Variants in MIER2 observed in about 807,000 individuals in gnomAD.
MIER2 encodes the protein mesoderm induction early response protein 2.
Under a neutral mutation model 67.6 loss-of-function variants are expected in MIER2, and 30 were observed. That is an observed-to-expected ratio of 0.44 (90% CI 0.33 to 0.60). The LOEUF (loss-of-function observed/expected upper bound fraction) is 0.60. Among genes scored for constraint, MIER2 ranks in the 20% least tolerant of loss-of-function variants. MIER2 has a pLI of 0.02. For missense variants in MIER2, 702 were observed against 745.1 expected, an observed-to-expected ratio of 0.94 and a Z score of 0.67; for synonymous variants, 372 against 312.6, an observed-to-expected ratio of 1.19 and a Z score of -2.00.
At chr19:330,024 G>C (rs1971946923) in intron 3 of MIER2, among the ~76,000 whole-genome samples, 1 of 152,104 alleles carries the variant, frequency 6.6e-6, no homozygotes, top group African/African-American at 2.4e-5. Context: ...GGAACCACAT[G>C]CATGGAACGA....
chr19:308,529 C>G lies in MIER2; in HGVS notation c.1198+48G>C. ...GCTCCACCGGGCCTCACTCACGGCT[C>G]CAGACCCGTGGCCGCCCCCAGGGCA... On this transcript the variant is annotated intron_variant, in intron 12 of 13. Transcript: ENST00000264819. The surrounding 1 kb of genome is among the most constrained non-coding windows in gnomAD (Gnocchi z 9.1). 8 of 1,534,718 alleles carry G rather than the reference C, an allele frequency of 5.2e-6. No homozygotes were observed. The highest frequency in any genetic ancestry group is 7.0e-6 in the Non-Finnish European group (8 of 1,136,248).
Position 308,613 on chromosome 19 carries a change from G to A in MIER2, c.1162C>T (p.Arg388Cys), listed in dbSNP as rs958310290. ...GSDPDGPGRP[R>C]PEQDTLTGMR... Reference sequence around the variant, plus strand: ...CCAGTCAGGGTGTCTTGCTCCGGGCGCGGACGGCCGGGGCCATCGGGGTCG... The same window carrying A: ...CCAGTCAGGGTGTCTTGCTCCGGGCACGGACGGCCGGGGCCATCGGGGTCG... Residue 388 changes from arginine to cysteine, a missense_variant, in exon 12 of 14, where the codon CGC becomes TGC. Around this residue, in one of 3 missense-constraint regions of MIER2, gnomAD observed 254 missense variants for 262.8 expected, o/e 0.97. Coordinates refer to ENST00000264819, the MANE Select transcript of MIER2 (RefSeq NM_017550.3). This position sits in a 1 kb window ranked among gnomAD's most constrained non-coding sequence, Gnocchi z 9.1. 1.4e-5 allele frequency: 23 copies of A among 1,607,254 alleles called. No individual in the cohort carries two copies. Among genetic ancestry groups the A allele is most frequent in the Admixed American group, 5.1e-5 (3 of 59,198 alleles).
At chr19:334,257 G>A in intron 3 of MIER2, 143 bp downstream of exon 3, 1 of 1,209,404 alleles carries the variant, frequency 8.3e-7, no homozygotes. Flanking sequence ...CTGAATTTCA[G>A]CTACTAGGAC....
At chr19:344,426 G>A (rs923285727) in intron 1 of MIER2, 2 of 973,142 alleles carry the variant, frequency 2.1e-6, no homozygotes, top group Non-Finnish European at 2.4e-6. Context: ...GGGAACCGGA[G>A]CCGGACCCTG....
chr19:341,988 G>A (rs1309243084), intron 1 of MIER2, among the ~76,000 whole-genome samples: 1 of 152,246 alleles, frequency 6.6e-6, no homozygotes, highest in East Asian at 1.9e-4. Flanking sequence ...ACCCTGCAAA[G>A]CTTAACCCAA....
rs766848186 is a variant in MIER2, at chr19:336,116, A to C, written c.67T>G (p.Cys23Gly). 6.2e-7 allele frequency: 1 copy of C among 1,613,936 alleles called. No individual in the cohort carries two copies. Among genetic ancestry groups the C allele is most frequent in the Admixed American group, 1.7e-5 (1 of 60,018 alleles). Residue 23 changes from cysteine (C) to glycine (G), a missense_variant, in exon 2 of 14, where the codon TGC becomes GGC. Cys to Gly is a radical substitution (Grantham distance 159). This residue lies in a region of MIER2 where 320 missense variants were observed against 292.6 expected (regional missense o/e 1.09). Coordinates refer to ENST00000264819, the MANE Select transcript of MIER2 (RefSeq NM_017550.3). ...RVVSCLEHSL[C>G]PGEPGLQTTA... is the part of the protein sequence containing the mutation. ...GTCTGCAAGCCCGGCTCCCCTGGGC[A>C]CAGGCTGTGCTCGAGGCAGGAGACC...
Position 311,992 on chromosome 19 carries a change from C to T in MIER2, c.890-53G>A, listed in dbSNP as rs878867564. On this transcript the variant is annotated intron_variant, in intron 9 of 13. Coordinates refer to ENST00000264819, the MANE Select transcript of MIER2 (RefSeq NM_017550.3). ...AGTGGTGCCCAGGGCGGGGCCGCAG[C>T]GGAAGGAAGGCCCAGGCCGGGGAGA... The T allele has an allele frequency of 8.3e-5, 115 of 1,384,692 alleles. 1 individual carries two copies. In the South Asian group the frequency reaches 1.1e-3, roughly 13 times the overall value. The allele number at this position is 1,384,692 out of a possible 1,614,324, so 85.8% of individuals were successfully genotyped here.
intron 10 of MIER2, among the ~76,000 whole-genome samples, chr19:310,413 T>C (rs909458961): frequency 2.0e-5 from 3 of 152,210 alleles, no homozygotes; most frequent in African/African-American, 4.8e-5. Flanking sequence ...AAATACGCAC[T>C]GGCTCAGGCT....
At chr19:336,015 G>A (rs1455217844) in intron 2 of MIER2, 68 bp downstream of exon 2, 3 of 1,475,602 alleles carry the variant, frequency 2.0e-6, no homozygotes, top group African/African-American at 2.8e-5. Flanking sequence ...AGGCCCAGCA[G>A]GCATTCTGTC....
intron 1 of MIER2, among the ~76,000 whole-genome samples, chr19:336,604 G>A (rs1972269040): frequency 1.3e-5 from 2 of 152,182 alleles, no homozygotes; most frequent in African/African-American, 4.8e-5. Context: ...GGCTCGTGGG[G>A]GCCAGGAGCC....
At chr19:339,361 G>A (rs1307562370) in intron 1 of MIER2, among the ~76,000 whole-genome samples, 3 of 152,164 alleles carry the variant, frequency 2.0e-5, no homozygotes, top group African/African-American at 7.2e-5. Flanking sequence ...GATACTCAAT[G>A]TAATATCAGG....
intron 2 of MIER2, among the ~76,000 whole-genome samples, chr19:335,831 T>C (rs1168921588): frequency 1.3e-5 from 2 of 152,114 alleles, no homozygotes; most frequent in African/African-American, 4.8e-5. Context: ...GCCCGGGTCC[T>C]CTGCTGGGGG....
rs573399880 is a variant in MIER2 at position 307,390 on chromosome 19, G to C, written c.1345C>G (p.Leu449Val). 1 of 1,607,626 alleles carries C rather than the reference G, an allele frequency of 6.2e-7. No homozygotes were observed. Among genetic ancestry groups the C allele is most frequent in the South Asian group, 1.1e-5 (1 of 89,860 alleles). The change falls in exon 13 of 14, where the codon CTG becomes GTG. Residue 449 changes from leucine (L) to valine (V), a missense_variant. This residue lies in a region of MIER2 where 254 missense variants were observed against 262.8 expected (regional missense o/e 0.97). Transcript: ENST00000264819. ...GGCTGGTATGAGGCTGGGTCGGCCAGGGCTGGGGGCCGATGGGACAGGGGT... is the reference window on the plus strand; with the variant it reads ...GGCTGGTATGAGGCTGGGTCGGCCACGGCTGGGGGCCGATGGGACAGGGGT... ...AVPLSHRPPALADPASYQPAV... is the reference protein window; with the variant it reads ...AVPLSHRPPAVADPASYQPAV...
chr19:306,570 A>G lies in MIER2; in HGVS notation c.*120T>C, dbSNP rs566873957. 25 of 1,326,028 alleles carry G rather than the reference A, an allele frequency of 1.9e-5. No individual in the cohort carries two copies. In the East Asian group the frequency reaches 6.0e-4, roughly 32 times the overall value. The allele number at this position is 1,326,028 out of a possible 1,614,324, so 82.1% of individuals were successfully genotyped here. ...CCCCAGTCCTGACGTGTTCTGAAGCAGAAGGAGGTGCTACCCCAAGGCCCG... is the reference window on the plus strand; with the variant it reads ...CCCCAGTCCTGACGTGTTCTGAAGCGGAAGGAGGTGCTACCCCAAGGCCCG... On this transcript the variant is annotated 3_prime_UTR_variant, in exon 14 of 14. Transcript: ENST00000264819.
intron 7 of MIER2, among the ~76,000 whole-genome samples, chr19:323,921 G>C (rs1326335522): frequency 6.9e-6 from 1 of 145,086 alleles, no homozygotes; most frequent in Non-Finnish European, 1.5e-5. Flanking sequence ...AAGGACATAG[G>C]CGTCATCACA....
At chr19:317,598 C>T (rs537630910) in intron 7 of MIER2, among the ~76,000 whole-genome samples, 9 of 150,630 alleles carry the variant, frequency 6.0e-5, no homozygotes, top group African/African-American at 1.7e-4. Context: ...GGCATGGTGG[C>T]GGATGCGTGT....
intron 3 of MIER2, among the ~76,000 whole-genome samples, chr19:332,245 C>T (rs1972061194): frequency 6.6e-6 from 1 of 151,992 alleles, no homozygotes; most frequent in African/African-American, 2.4e-5. Context: ...GGCTGGACTG[C>T]AGTGGCACAT....
In MIER2 at chr19:307,283, G is replaced by A. The variant is rs1310651091; in HGVS notation, c.1452C>T (p.Ser484=). 1.3e-6 allele frequency: 2 copies of A among 1,599,192 alleles called. No individual in the cohort carries two copies. The highest frequency in any genetic ancestry group is 3.5e-5 in the Admixed American group (2 of 57,396). The part of the protein sequence containing the change: ...FALPKELPLI[S]SHVDLSGDPE... Reference sequence around the variant, plus strand: ...GATCCCCGCTGAGGTCCACATGGCTGGAGATGAGGGGCAGCTCCTTGGGCA... The same window carrying A: ...GATCCCCGCTGAGGTCCACATGGCTAGAGATGAGGGGCAGCTCCTTGGGCA... Residue 484 remains serine (S), a synonymous_variant, in exon 13 of 14, where the codon TCC becomes TCT. Transcript: ENST00000264819.
intron 1 of MIER2, among the ~76,000 whole-genome samples, chr19:340,842 C>T (rs751711074): frequency 4.6e-5 from 7 of 152,038 alleles, no homozygotes; most frequent in Admixed American, 6.6e-5. Flanking sequence ...AGTTTAGCTC[C>T]GTGGTGGCAG....
Sources: gnomAD v4.1 joint callset for allele counts (sites outside exome capture counted in the v4.1 genomes callset) on GRCh38, gnomAD v4.1.1 for gene constraint, gnomAD v4.1.1 regional missense constraint, Gnocchi (gnomAD v3.1) non-coding constraint, MANE v1.5 for transcripts, NCBI Gene and HGNC (gene_info 2026-07-23, HGNC 2026-07-21) for gene names.